PSMD11: variants seen among roughly 807,000 people sequenced by gnomAD.
PSMD11 encodes proteasome 26S subunit, non-ATPase 11, also known as 26S proteasome non-ATPase regulatory subunit 11.
Under a neutral mutation model 62.3 loss-of-function variants are expected in PSMD11, and 5 were observed. The observed-to-expected ratio is 0.08, with a 90% CI of 0.04 to 0.17. The LOEUF (loss-of-function observed/expected upper bound fraction) is 0.17. PSMD11 is among the 10% of genes least tolerant of loss of function. The pLI, the probability that PSMD11 is intolerant of heterozygous loss-of-function variation, is 1.00. For synonymous variants in PSMD11, 191 were observed against 191.8 expected (o/e 1.00, Z 0.03); for missense variants, 310 against 512.9 (o/e 0.60, Z 3.82).
intron 3 of PSMD11, among the ~76,000 whole-genome samples, chr17:32,458,763 T>C (rs944322005): frequency 4.6e-5 from 7 of 152,202 alleles, no homozygotes; most frequent in African/African-American, 1.7e-4. Context: ...CTTATTGCCT[T>C]ATGCTTCAAA....
At chr17:32,445,091 C>T (rs550225654) in intron 1 of PSMD11, 1 of 158,140 alleles carries the variant, frequency 6.3e-6, no homozygotes, top group African/African-American at 2.4e-5. Flanking sequence ...AGCGCTTGCT[C>T]TTCTCTGGGA....
At chr17:32,444,839 A>G in intron 1 of PSMD11, 1 of 567,584 alleles carries the variant, frequency 1.8e-6, no homozygotes, top group Non-Finnish European at 3.0e-6. Context: ...CCGGCTGCTG[A>G]CTCACGGGGG....
intron 3 of PSMD11, among the ~76,000 whole-genome samples, chr17:32,460,720 C>T (rs906197336): frequency 1.3e-5 from 2 of 148,958 alleles, no homozygotes; most frequent in Non-Finnish European, 3.0e-5. Context: ...TTGCAGTGAG[C>T]GCCACTGCAC....
At chr17:32,454,370 G>A in intron 2 of PSMD11, 125 bp from the exon 3 acceptor site, 1 of 953,068 alleles carries the variant, frequency 1.0e-6, no homozygotes, top group South Asian at 1.6e-5. Flanking sequence ...CTCCTAGTAA[G>A]TTTCACTTAG....
intron 5 of PSMD11, among the ~76,000 whole-genome samples, chr17:32,467,256 T>C (rs1156526503): frequency 6.9e-6 from 1 of 145,430 alleles, no homozygotes; most frequent in African/African-American, 2.6e-5. Context: ...TTTTTTTTTT[T>C]TTTTTTCTTG....
chr17:32,476,828 G>A (rs915170031), intron 8 of PSMD11: 27 of 152,190 alleles, frequency 1.8e-4, no homozygotes, highest in Admixed American at 5.2e-4. Flanking sequence ...GCAGTGGCAT[G>A]ATCTTGGCTC....
intron 3 of PSMD11, among the ~76,000 whole-genome samples, chr17:32,460,086 G>A (rs966887769): frequency 1.3e-5 from 2 of 152,230 alleles, no homozygotes; most frequent in East Asian, 3.9e-4. Flanking sequence ...TGAAATGGGG[G>A]TCTTGGTCTG....
intron 6 of PSMD11, among the ~76,000 whole-genome samples, chr17:32,471,882 T>A (rs1195844705): frequency 6.6e-6 from 1 of 152,116 alleles, no homozygotes; most frequent in Non-Finnish European, 1.5e-5. Context: ...GCAGGTTTTT[T>A]TTTTTTTAGA....
intron 3 of PSMD11, among the ~76,000 whole-genome samples, chr17:32,458,051 A>T (rs1907703049): frequency 6.6e-6 from 1 of 152,132 alleles, no homozygotes; most frequent in Admixed American, 6.6e-5. Context: ...TGCCGGCCTC[A>T]GCCTCCCAGA....
chr17:32,472,474 T>G (rs867523953), intron 6 of PSMD11, among the ~76,000 whole-genome samples: 6 of 151,752 alleles, frequency 4.0e-5, no homozygotes, highest in Admixed American at 1.3e-4. Flanking sequence ...TCTGGCTGCC[T>G]TGGCCTCCCA....
At chr17:32,463,353 T>C (rs1468137180) in intron 3 of PSMD11, 1 of 152,198 alleles carries the variant, frequency 6.6e-6, no homozygotes, top group African/African-American at 2.4e-5. Flanking sequence ...TTTCTTTTTT[T>C]TTTAATTAAA....
intron 2 of PSMD11, among the ~76,000 whole-genome samples, chr17:32,450,525 C>T (rs905177753): frequency 3.4e-4 from 52 of 151,768 alleles, no homozygotes; most frequent in African/African-American, 1.2e-3. Flanking sequence ...CCTTGGCCTC[C>T]CAAAGTGCTG....
At chr17:32,451,120 CAAAAAAAAAAAA>C (rs68054446) in intron 2 of PSMD11, among the ~76,000 whole-genome samples, 1 of 106,384 alleles carries the variant, frequency 9.4e-6, no homozygotes, top group Non-Finnish European at 2.0e-5. Context: ...GGCTCTTTCT[CAAAAAAAAAAAA>C]AAAGAAAAAA....
chr17:32,469,078 A>T lies in PSMD11; in HGVS notation c.528A>T (p.Thr176=). The T allele has an allele frequency of 6.2e-7, 1 of 1,614,172 alleles. No homozygotes were observed. The change falls in exon 6 of 14, where the codon ACA becomes ACT. Residue 176 remains threonine, a synonymous_variant. Transcript: ENST00000261712. ...LVEVQLLESK[T]YHALSNLPKA... Reference sequence around the variant, plus strand: ...AAGTACAGCTTTTAGAAAGCAAAACATACCATGCCCTGAGCAACCTGCCGA... The same window carrying T: ...AAGTACAGCTTTTAGAAAGCAAAACTTACCATGCCCTGAGCAACCTGCCGA...
Position 32,480,829 on chromosome 17 carries a change from C to T in PSMD11, c.*77C>T. The T allele has an allele frequency of 1.8e-6, 1 of 544,416 alleles. No homozygotes were observed. The highest frequency in any genetic ancestry group is 3.0e-6 in the Non-Finnish European group (1 of 333,098). 33.7% of individuals were successfully genotyped at this position (544,416 alleles called of 1,614,324 possible). ...CCTTGGGGGAAAATGCTAGGAGATT[C>T]TTTTTTCTTTTTGTTCTACTTTTCG... On this transcript the variant is annotated 3_prime_UTR_variant, in exon 14 of 14. Coordinates refer to ENST00000261712, the MANE Select transcript of PSMD11 (RefSeq NM_002815.4).
intron 8 of PSMD11, among the ~76,000 whole-genome samples, chr17:32,475,765 A>G (rs933977905): frequency 6.6e-6 from 1 of 151,742 alleles, no homozygotes; most frequent in Non-Finnish European, 1.5e-5. Flanking sequence ...TGCCCGGCTA[A>G]TTTTTTGTAG....
At chr17:32,478,725 T>TC (rs924844802) in intron 9 of PSMD11, among the ~76,000 whole-genome samples, 14 of 151,988 alleles carry the variant, frequency 9.2e-5, no homozygotes, top group African/African-American at 2.7e-4. Flanking sequence ...GTTCTTTTTT[T>TC]CCCCCCCATG....
intron 2 of PSMD11, among the ~76,000 whole-genome samples, chr17:32,448,276 A>G (rs1245785759): frequency 6.6e-6 from 1 of 152,178 alleles, no homozygotes; most frequent in African/African-American, 2.4e-5. Context: ...ATGTGTTTAC[A>G]TGGGCCTTAT....
intron 8 of PSMD11, among the ~76,000 whole-genome samples, chr17:32,475,670 C>A (rs1250229119): frequency 1.3e-5 from 2 of 150,440 alleles, no homozygotes; most frequent in African/African-American, 2.5e-5. Context: ...CGTATCTCGG[C>A]TCACTGCATC....
Sources: gnomAD v4.1 joint callset for allele counts (sites outside exome capture counted in the v4.1 genomes callset) on GRCh38, gnomAD v4.1.1 for gene constraint, MANE v1.5 for transcripts, NCBI Gene and HGNC (gene_info 2026-07-23, HGNC 2026-07-21) for gene names.